The following GALNTL6 variants were observed in gnomAD, a reference collection of about 807,000 sequenced individuals.
GALNTL6 encodes the protein polypeptide N-acetylgalactosaminyltransferase like 6, also known as polypeptide N-acetylgalactosaminyltransferase-like 6.
GALNTL6 carries 46 observed loss-of-function variants against 73.7 expected under a neutral mutation model. The observed-to-expected ratio is 0.62, with a 90% CI of 0.49 to 0.80. The LOEUF is 0.80. Ranked by LOEUF, GALNTL6 falls within the 30% of genes least tolerant of loss-of-function variation. The probability of loss-of-function intolerance (pLI) is 0.00; values close to 1 mark genes in which losing one functional copy is unlikely to be tolerated. For missense variants in GALNTL6, 604 were observed against 755.0 expected (o/e 0.80, Z 2.34); for synonymous variants, 259 against 263.7 (o/e 0.98, Z 0.17).
At chr4:172,587,044 A>G (rs1737438604) in intron 5 of GALNTL6, among the ~76,000 whole-genome samples, 2 of 152,332 alleles carry the variant, frequency 1.3e-5, no homozygotes, top group South Asian at 4.1e-4. Flanking sequence ...AAATTATTGT[A>G]ATATCCAGAA....
At chr4:172,681,950 T>A (rs1732652936) in intron 5 of GALNTL6, among the ~76,000 whole-genome samples, 1 of 152,170 alleles carries the variant, frequency 6.6e-6, no homozygotes, top group Non-Finnish European at 1.5e-5. Context: ...TCAAGTTATT[T>A]CCTAATTAGA....
At chr4:172,205,879 G>C (rs1457700693) in intron 2 of GALNTL6, among the ~76,000 whole-genome samples, 1 of 152,148 alleles carries the variant, frequency 6.6e-6, no homozygotes, top group African/African-American at 2.4e-5. Flanking sequence ...TCAGCAGTAA[G>C]TTCTATGCCT....
intron 5 of GALNTL6, among the ~76,000 whole-genome samples, chr4:172,680,819 G>A (rs1245390038): frequency 6.6e-6 from 1 of 152,224 alleles, no homozygotes; most frequent in African/African-American, 2.4e-5. Context: ...ATGGATTGAA[G>A]TGCATGATTC....
chr4:171,939,779 T>C (rs1383465910), intron 2 of GALNTL6, among the ~76,000 whole-genome samples: 1 of 152,112 alleles, frequency 6.6e-6, no homozygotes, highest in African/African-American at 2.4e-5. Context: ...AGTTAGATTA[T>C]ACAGGATACA....
chr4:172,699,559 A>G (rs1195588817), intron 5 of GALNTL6, among the ~76,000 whole-genome samples: 2 of 152,208 alleles, frequency 1.3e-5, no homozygotes, highest in Non-Finnish European at 2.9e-5. Context: ...TAAGTCCGCA[A>G]TAAAAACAGG....
intron 8 of GALNTL6, among the ~76,000 whole-genome samples, chr4:172,914,980 A>G (rs1034126438): frequency 2.0e-5 from 3 of 152,232 alleles, no homozygotes; most frequent in African/African-American, 7.2e-5. Flanking sequence ...TTATTTCAAA[A>G]TTGACCACAT....
chr4:172,479,659 AATCT>A (rs1434622686), intron 5 of GALNTL6, among the ~76,000 whole-genome samples: 19 of 152,228 alleles, frequency 1.2e-4, no homozygotes, highest in African/African-American at 4.6e-4. Context: ...ACCACAATAC[AATCT>A]ATCCATGTAA....
intron 10 of GALNTL6, among the ~76,000 whole-genome samples, chr4:172,994,294 A>G (rs1294442553): frequency 1.3e-5 from 2 of 152,182 alleles, no homozygotes; most frequent in African/African-American, 4.8e-5. Flanking sequence ...TTGCTACAGG[A>G]AACAGTGATG....
At chr4:172,794,142 C>A (rs549693182) in intron 5 of GALNTL6, among the ~76,000 whole-genome samples, 1 of 152,242 alleles carries the variant, frequency 6.6e-6, no homozygotes, top group Non-Finnish European at 1.5e-5. Flanking sequence ...ATAAACAGCC[C>A]TGCTGTAGAG....
At chr4:172,888,493 G>T (rs940611911) in intron 8 of GALNTL6, among the ~76,000 whole-genome samples, 2 of 152,120 alleles carry the variant, frequency 1.3e-5, no homozygotes, top group African/African-American at 4.8e-5. Context: ...AGTTATCCCA[G>T]TGCTATTTAT....
At chr4:172,675,563 C>T (rs1306607755) in intron 5 of GALNTL6, among the ~76,000 whole-genome samples, 1 of 152,146 alleles carries the variant, frequency 6.6e-6, no homozygotes, top group Non-Finnish European at 1.5e-5. Context: ...GCCCCACAAG[C>T]AAGAATGATT....
At chr4:171,971,054 T>C (rs1196741055) in intron 2 of GALNTL6, among the ~76,000 whole-genome samples, 1 of 152,220 alleles carries the variant, frequency 6.6e-6, no homozygotes, top group Non-Finnish European at 1.5e-5. Context: ...ATGGAGGAGA[T>C]GGCAATGTCT....
intron 2 of GALNTL6, among the ~76,000 whole-genome samples, chr4:171,887,740 G>T (rs1201681806): frequency 6.6e-6 from 1 of 151,944 alleles, no homozygotes; most frequent in Non-Finnish European, 1.5e-5. Flanking sequence ...TATCTTGAAA[G>T]GTATGCAATT....
chr4:172,268,959 A>G (rs543614213), intron 3 of GALNTL6, among the ~76,000 whole-genome samples: 2 of 152,254 alleles, frequency 1.3e-5, no homozygotes, highest in African/African-American at 4.8e-5. Flanking sequence ...ATTTTGTTAT[A>G]GCAGCCCAAG....
intron 2 of GALNTL6, among the ~76,000 whole-genome samples, chr4:171,897,221 A>G (rs1284563327): frequency 1.3e-5 from 2 of 152,188 alleles, no homozygotes; most frequent in Admixed American, 1.3e-4. Context: ...AAGTTAATTC[A>G]TTGTGGAATG....
At chr4:172,829,383 C>T (rs1742497480) in intron 7 of GALNTL6, among the ~76,000 whole-genome samples, 1 of 152,180 alleles carries the variant, frequency 6.6e-6, no homozygotes, top group South Asian at 2.1e-4. Flanking sequence ...ATCTTTCTTT[C>T]TACCCATCCT....
At chr4:172,746,210 C>T (rs1245855682) in intron 5 of GALNTL6, among the ~76,000 whole-genome samples, 1 of 152,148 alleles carries the variant, frequency 6.6e-6, no homozygotes, top group Non-Finnish European at 1.5e-5. Context: ...CTATAAGCCT[C>T]AATTTTCTGT....
At chr4:172,170,739 G>A (rs1734791389) in intron 2 of GALNTL6, among the ~76,000 whole-genome samples, 1 of 151,968 alleles carries the variant, frequency 6.6e-6, no homozygotes, top group Non-Finnish European at 1.5e-5. Flanking sequence ...TTGAACTCCT[G>A]ACCTCAAGTC....
intron 2 of GALNTL6, among the ~76,000 whole-genome samples, chr4:171,981,131 T>G (rs1020406857): frequency 6.6e-6 from 1 of 152,170 alleles, no homozygotes; most frequent in Admixed American, 6.5e-5. Flanking sequence ...GTAATCAGGG[T>G]ACAACTTGCT....
Sources: gnomAD v4.1 joint callset for allele counts (sites outside exome capture counted in the v4.1 genomes callset) on GRCh38, gnomAD v4.1.1 for gene constraint, MANE v1.5 for transcripts, NCBI Gene and HGNC (gene_info 2026-07-23, HGNC 2026-07-21) for gene names.